MUC3A: variants seen among roughly 807,000 people sequenced by gnomAD.
MUC3A encodes the protein mucin 3A, cell surface associated.
In MUC3A, 109 loss-of-function variants were observed where a neutral mutation model predicts 109.0. The observed-to-expected ratio is 1.00, with a 90% CI of 0.86 to 1.17. The LOEUF is 1.17. MUC3A is among the 50% of genes most tolerant of loss of function. The pLI is 0.00. For missense variants in MUC3A, 3,537 were observed against 2,469.4 expected (o/e 1.43, Z -9.16); for synonymous variants, 1,398 against 981.4 (o/e 1.42, Z -7.93).
At position 100,963,573 on chromosome 7, in the gene MUC3A, C is replaced by T. The variant is rs139033136; in HGVS notation, c.9169-115C>T. The T allele has an allele frequency of 2.1e-3, 3,255 of 1,517,078 alleles. No homozygotes were observed. The African/African-American group carries it at 0.032, about 15-fold the overall frequency. The allele number at this position is 1,517,078 out of a possible 1,614,324, so 94.0% of individuals were successfully genotyped here. A position where few individuals can be genotyped will look rare whatever the true frequency, so the allele number is the denominator to read the frequency against. On this transcript the variant is annotated intron_variant, in intron 4 of 11. Coordinates refer to ENST00000379458, the MANE Select transcript of MUC3A (RefSeq NM_005960.2). ...GTGTTGGGATTACAGGCGTGAGCCACGGCACCCGGCCGGGGAGGGGAATTG... is the reference window on the plus strand; with the variant it reads ...GTGTTGGGATTACAGGCGTGAGCCATGGCACCCGGCCGGGGAGGGGAATTG...
At position 100,960,076 on chromosome 7, in the gene MUC3A, C is replaced by T. The variant is rs2116200682; in HGVS notation, c.8297C>T (p.Thr2766Ile). 2 of 1,516,182 alleles carry T rather than the reference C, an allele frequency of 1.3e-6. No individual in the cohort carries two copies. Among genetic ancestry groups the T allele is most frequent in the Non-Finnish European group, 1.8e-6 (2 of 1,142,232 alleles). 93.9% of individuals were successfully genotyped at this position (1,516,182 alleles called of 1,614,324 possible). Residue 2766 changes from threonine to isoleucine, a missense_variant, in exon 2 of 12, where the codon ACC (threonine) becomes ATC (isoleucine). Transcript: ENST00000379458. ...TPFSYISLPS[T>I]TPCPGTITIT... The stretch of plus-strand genomic sequence containing the variant: ...TTTTCTTATATTTCCCTTCCCTCCA[C>T]CACACCCTGTCCAGGAACTATAACA...
chr7:100,963,064 A>T (rs1450873353), intron 3 of MUC3A, 87 bp from the exon 4 acceptor site: 10 of 1,445,748 alleles, frequency 6.9e-6, no homozygotes, highest in Non-Finnish European at 9.4e-6. Context: ...GAGCAGCAGG[A>T]GGAGCCTGTG....
At chr7:100,963,639 C>T (rs1792418088) in intron 4 of MUC3A, 49 bp from the exon 5 acceptor site, 2 of 1,598,256 alleles carry the variant, frequency 1.3e-6, no homozygotes, top group East Asian at 2.2e-5. Flanking sequence ...TCTGGGTCCC[C>T]TCAGGTCTGC....
rs771204319 is a variant in MUC3A, at chr7:100,964,677, A to G, written c.9234-18A>G. The G allele has an allele frequency of 2.4e-5, 39 of 1,595,992 alleles. No individual in the cohort carries two copies. The highest frequency in any genetic ancestry group is 1.0e-4 in the Admixed American group (6 of 59,892). ...ATGTTCCTGGCTGGGGCACTCTCTA[A>G]GGCTGTGGACCCCTCAGGAATGGCA... On this transcript the variant is annotated intron_variant, in intron 5 of 11. Transcript: ENST00000379458.
chr7:100,957,458 A>G lies in MUC3A; in HGVS notation c.5679A>G (p.Val1893=). Residue 1893 remains valine (V), a synonymous_variant, in exon 2 of 12, where the codon GTA becomes GTG. Transcript: ENST00000379458. The stretch of plus-strand genomic sequence containing the variant: ...CCACAGTTCCAACAACAAACTTGGT[A>G]ACCACGACCACCAAGATCACCTCAC... ...VTATVPTTNL[V]TTTTKITSHS... The G allele has an allele frequency of 1.8e-6, 2 of 1,127,430 alleles. No individual in the cohort carries two copies. Among genetic ancestry groups the G allele is most frequent in the Non-Finnish European group, 2.3e-6 (2 of 883,570 alleles). 69.8% of individuals were successfully genotyped at this position (1,127,430 alleles called of 1,614,324 possible).
Position 100,952,153 on chromosome 7 carries a change from C to T in MUC3A, c.374C>T (p.Thr125Ile), listed in dbSNP as rs1177758231. 6.3e-7 allele frequency: 1 copy of T among 1,598,510 alleles called. No individual in the cohort carries two copies. Among genetic ancestry groups the T allele is most frequent in the East Asian group, 2.2e-5 (1 of 44,892 alleles). Reference protein sequence around the residue: ...TPPTVLVYSATTECVYPTSFI... With the variant: ...TPPTVLVYSAITECVYPTSFI... ...CCCACCGTGTTGGTCTATTCAGCCA[C>T]CACTGAGTGCGTGTATCCAACGAGC... The change falls in exon 2 of 12, where the codon ACC (threonine) becomes ATC (isoleucine). Residue 125 changes from threonine (T) to isoleucine (I), a missense_variant. Transcript: ENST00000379458.
Position 100,952,208 on chromosome 7 carries a change from C to T in MUC3A, c.429C>T (p.Ser143=). 1 of 1,598,560 alleles carries T rather than the reference C, an allele frequency of 6.3e-7. No homozygotes were observed. The highest frequency in any genetic ancestry group is 8.5e-7 in the Non-Finnish European group (1 of 1,179,806). The change falls in exon 2 of 12, where the codon TCC becomes TCT. Residue 143 remains serine (S), a synonymous_variant. Coordinates refer to ENST00000379458, the MANE Select transcript of MUC3A (RefSeq NM_005960.2). ...TAATCACCATCTCCCACCCCACCTCCATCTGTGTGACCACGACGCAGGTGG... is the reference window on the plus strand; with the variant it reads ...TAATCACCATCTCCCACCCCACCTCTATCTGTGTGACCACGACGCAGGTGG... ...SFIITISHPT[S]ICVTTTQVAF...
intron 3 of MUC3A, among the ~76,000 whole-genome samples, chr7:100,961,333 C>T (rs549213589): frequency 4.9e-5 from 4 of 81,614 alleles, no homozygotes; most frequent in Non-Finnish European, 7.5e-5. Context: ...TGTCTTTCAG[C>T]GGCTCCAGGG....
Position 100,967,518 on chromosome 7 carries a change from C to T in MUC3A, c.*356C>T. On this transcript the variant is annotated 3_prime_UTR_variant, in exon 12 of 12. Coordinates refer to ENST00000379458, the MANE Select transcript of MUC3A (RefSeq NM_005960.2). The stretch of plus-strand genomic sequence containing the variant: ...TCGGTCCTACTCTGCCCTCCCGTCT[C>T]AGCCCTCGTGTTGCCATTGCCTCTC... 1 of 506,292 alleles carries T rather than the reference C, an allele frequency of 2.0e-6. No individual in the cohort carries two copies. Among genetic ancestry groups the T allele is most frequent in the Non-Finnish European group, 3.5e-6 (1 of 285,602 alleles). The allele number at this position is 506,292 out of a possible 1,614,324, so 31.4% of individuals were successfully genotyped here.
At position 100,960,280 on chromosome 7, in the gene MUC3A, T is replaced by C; in HGVS notation, c.8501T>C (p.Met2834Thr). The C allele has an allele frequency of 6.3e-7, 1 of 1,598,550 alleles. No homozygotes were observed. Residue 2834 changes from methionine to threonine, a missense_variant, in exon 2 of 12, where the codon ATG (methionine) becomes ACG (threonine). By Grantham distance (81) the Met-to-Thr change is moderately conservative. Coordinates refer to ENST00000379458, the MANE Select transcript of MUC3A (RefSeq NM_005960.2). Reference protein sequence around the residue: ...TLTTYMDTSSMMPESESSISP... With the variant: ...TLTTYMDTSSTMPESESSISP... ...ACTACATATATGGACACTTCTTCCA[T>C]GATGCCAGAAAGTGAGTCCAGCATC...
chr7:100,951,773 AC>A, intron 1 of MUC3A, 67 bp from the exon 2 acceptor site: 2 of 1,561,944 alleles, frequency 1.3e-6, no homozygotes, highest in South Asian at 2.4e-5. Flanking sequence ...TGAGTAGCTT[AC>A]ATGAGTGATG....
rs767876831 is a variant in MUC3A at position 100,952,235 on chromosome 7, C to A, written c.456C>A (p.Ala152=). The change falls in exon 2 of 12, where the codon GCC becomes GCA. Residue 152 remains alanine (A), a synonymous_variant. Transcript: ENST00000379458. ...TCTGTGTGACCACGACGCAGGTGGC[C>A]TTCACCAGCTCTTACACCTCGACTC... The part of the protein sequence containing the change: ...TSICVTTTQV[A]FTSSYTSTPV... 5.0e-6 allele frequency: 8 copies of A among 1,598,346 alleles called. No homozygotes were observed. Among genetic ancestry groups the A allele is most frequent in the Non-Finnish European group, 6.8e-6 (8 of 1,179,734 alleles).
chr7:100,966,457 T>C lies in MUC3A; in HGVS notation c.9683T>C (p.Val3228Ala). The change falls in exon 9 of 12, where the codon GTC becomes GCC. Residue 3228 changes from valine (V) to alanine (A), a missense_variant. Physicochemically the swap from Val to Ala is moderately conservative, Grantham distance 64. Coordinates refer to ENST00000379458, the MANE Select transcript of MUC3A (RefSeq NM_005960.2). ...GTGGCCGTCCACTGGAGGGCGCTGGTCGGGGGCCTGACGGCCGGCGCCGCG... is the reference window on the plus strand; with the variant it reads ...GTGGCCGTCCACTGGAGGGCGCTGGCCGGGGGCCTGACGGCCGGCGCCGCG... ...CEVAVHWRAL[V>A]GGLTAGAALL... is the part of the protein sequence containing the mutation. 1 of 1,344,972 alleles carries C rather than the reference T, an allele frequency of 7.4e-7. No individual in the cohort carries two copies. The highest frequency in any genetic ancestry group is 9.5e-7 in the Non-Finnish European group (1 of 1,056,270). The allele number at this position is 1,344,972 out of a possible 1,614,324, so 83.3% of individuals were successfully genotyped here. A position where few individuals can be genotyped will look rare whatever the true frequency, so the allele number is the denominator to read the frequency against.
chr7:100,967,435 C>T lies in MUC3A; in HGVS notation c.*273C>T. ...TTCCTCACCTGCAAAACGGGTACAG[C>T]ATTCCTGTATGATAGCTCACGCCGT... On this transcript the variant is annotated 3_prime_UTR_variant, in exon 12 of 12. Transcript: ENST00000379458. 1.7e-6 allele frequency: 1 copy of T among 602,294 alleles called. No individual in the cohort carries two copies. Among genetic ancestry groups the T allele is most frequent in the South Asian group, 2.1e-5 (1 of 48,654 alleles). The allele number at this position is 602,294 out of a possible 1,614,324, so 37.3% of individuals were successfully genotyped here. A position where few individuals can be genotyped will look rare whatever the true frequency, so the allele number is the denominator to read the frequency against.
chr7:100,964,146 A>G (rs2116218286), intron 5 of MUC3A: 1 of 359,858 alleles, frequency 2.8e-6, no homozygotes, highest in Non-Finnish European at 5.2e-6. Flanking sequence ...CAACAAGAAG[A>G]GAACGTCAGG....
At chr7:100,963,837 T>A (rs1258945581) in intron 5 of MUC3A, 85 bp downstream of exon 5, 1 of 1,568,188 alleles carries the variant, frequency 6.4e-7, no homozygotes, top group East Asian at 2.3e-5. Flanking sequence ...TCTTTTGTAA[T>A]CATCAGATTT....
At chr7:100,962,252 A>C (rs1247926039) in intron 3 of MUC3A, among the ~76,000 whole-genome samples, 75 of 3,942 alleles carry the variant, frequency 0.019, 10 homozygotes, top group African/African-American at 0.041. Flanking sequence ...AAAAAAAAAA[A>C]AAAAAAAAAA....
In MUC3A at chr7:100,966,533, A is replaced by G. The variant is rs888685866; in HGVS notation, c.9759A>G (p.Gly3253=). The part of the protein sequence containing the change: ...LALGVRAVRS[G]WWGGQRRGRS... ...TGGGCGTCCGGGCGGTGCGCTCCGG[A>G]TGGTGGGGCGGCCAGCGCCGAGGCC... Residue 3253 remains glycine, a synonymous_variant, in exon 9 of 12, where the codon GGA becomes GGG. Transcript: ENST00000379458. 1 of 1,355,672 alleles carries G rather than the reference A, an allele frequency of 7.4e-7. No homozygotes were observed. Among genetic ancestry groups the G allele is most frequent in the Non-Finnish European group, 9.4e-7 (1 of 1,065,180 alleles). The allele number at this position is 1,355,672 out of a possible 1,614,324, so 84.0% of individuals were successfully genotyped here.
intron 1 of MUC3A, among the ~76,000 whole-genome samples, chr7:100,951,000 TTTTTTG>T (rs58465763): frequency 4.8e-4 from 69 of 142,694 alleles, no homozygotes; most frequent in South Asian, 3.1e-3. Context: ...CTCTGGGCAG[TTTTTTG>T]TTTTTGTTTT....
Sources: gnomAD v4.1 joint callset for allele counts (sites outside exome capture counted in the v4.1 genomes callset) on GRCh38, gnomAD v4.1.1 for gene constraint, MANE v1.5 for transcripts, NCBI Gene and HGNC (gene_info 2026-07-23, HGNC 2026-07-21) for gene names.